Variants in CELF2 observed in about 807,000 individuals in gnomAD.
CELF2 encodes CUG triplet repeat RNA-binding protein 2.
Under a neutral mutation model 62.6 loss-of-function variants are expected in CELF2, and 8 were observed. That is an observed-to-expected ratio of 0.13 (90% confidence interval 0.07 to 0.23). The LOEUF (loss-of-function observed/expected upper bound fraction) is 0.23. Ranked by LOEUF, CELF2 falls within the 10% of genes least tolerant of loss-of-function variation. The probability of loss-of-function intolerance (pLI) is 1.00; values close to 1 mark genes in which losing one functional copy is unlikely to be tolerated. For missense variants in CELF2, 333 were observed against 671.0 expected (o/e 0.50, Z 5.56); for synonymous variants, 258 against 250.0 (o/e 1.03, Z -0.30).
chr10:10,634,806 C>A, the CELF2 span, among the ~76,000 whole-genome samples: 2 of 151,962 alleles, frequency 1.3e-5, no homozygotes, highest in Admixed American at 6.6e-5. Context: ...GGACTACAGG[C>A]ATGTGCCACC....
At chr10:10,736,384 CTTTCTTTCTTTCT>C in the CELF2 span, among the ~76,000 whole-genome samples, 32 of 80,550 alleles carry the variant, frequency 4.0e-4, no homozygotes, top group Middle Eastern at 0.012. Context: ...TTCTTTCTTT[CTTTCTTTCTTTCT>C]TTTTTTTTTT....
the CELF2 span, among the ~76,000 whole-genome samples, chr10:10,664,156 C>G: frequency 5.5e-4 from 83 of 152,224 alleles, 1 homozygote; most frequent in Admixed American, 1.4e-3. Context: ...ACATCACAAG[C>G]TGAAGCTAGA....
intron 2 of CELF2, among the ~76,000 whole-genome samples, chr10:11,196,674 A>G (rs2057580026): frequency 6.8e-6 from 1 of 147,780 alleles, no homozygotes; most frequent in Admixed American, 6.7e-5. Flanking sequence ...AAAACAAAAC[A>G]GAACCGGGCG....
At chr10:10,504,720 T>G in the CELF2 span, among the ~76,000 whole-genome samples, 2 of 151,200 alleles carry the variant, frequency 1.3e-5, no homozygotes, top group East Asian at 1.9e-4. Context: ...TGAGTCCATG[T>G]TTTTTTTTCT....
chr10:10,778,166 G>T, the CELF2 span, among the ~76,000 whole-genome samples: 1 of 152,186 alleles, frequency 6.6e-6, no homozygotes, highest in African/African-American at 2.4e-5. Flanking sequence ...GGTGTTGGAG[G>T]TCCCAGTTTC....
At chr10:10,615,633 T>C in the CELF2 span, among the ~76,000 whole-genome samples, 1 of 152,076 alleles carries the variant, frequency 6.6e-6, no homozygotes, top group Non-Finnish European at 1.5e-5. Context: ...ATTTCCCCTT[T>C]GCTGTTCTCA....
intron 2 of CELF2, among the ~76,000 whole-genome samples, chr10:10,961,522 G>A (rs972161532): frequency 4.6e-5 from 7 of 151,872 alleles, no homozygotes; most frequent in Admixed American, 3.9e-4. Flanking sequence ...TGAGGTGAGC[G>A]GATCACGTGA....
chr10:11,207,465 C>T lies in CELF2; in HGVS notation c.272-9960C>T, dbSNP rs1443645448. Reference sequence around the variant, plus strand: ...GAAGGTATGGGGTTGCCAGGGACCCCAGTGAGATCATTGTTCCCTCCCGGG... The same window carrying T: ...GAAGGTATGGGGTTGCCAGGGACCCTAGTGAGATCATTGTTCCCTCCCGGG... On this transcript the variant is annotated intron_variant, in intron 2 of 12. Transcript: ENST00000633077. This position sits in a 1 kb window ranked among gnomAD's most constrained non-coding sequence, Gnocchi z 4.1. 6.6e-6 allele frequency among the ~76,000 whole-genome samples: 1 copy of T among 152,168 alleles called. No homozygotes were observed. Among genetic ancestry groups the T allele is most frequent in the Non-Finnish European group, 1.5e-5 (1 of 68,026 alleles).
At chr10:10,911,847 A>G (rs568705756) in intron 1 of CELF2, among the ~76,000 whole-genome samples, 43 of 152,350 alleles carry the variant, frequency 2.8e-4, no homozygotes, top group African/African-American at 1.0e-3. Flanking sequence ...CTGTGAATGT[A>G]GCTGGCTCAT....
chr10:10,865,073 G>A (rs1343547878), intron 1 of CELF2, among the ~76,000 whole-genome samples: 1 of 152,074 alleles, frequency 6.6e-6, no homozygotes, highest in East Asian at 1.9e-4. Context: ...GCCCTTGGAA[G>A]GAAAAATGAG....
chr10:10,924,687 G>A (rs192694215), intron 2 of CELF2, among the ~76,000 whole-genome samples: 1 of 135,642 alleles, frequency 7.4e-6, no homozygotes, highest in Admixed American at 7.4e-5. Context: ...GAAAAATTTA[G>A]ACTTTTCTCT....
chr10:11,099,903 C>G (rs796444370), intron 1 of CELF2, among the ~76,000 whole-genome samples: 2 of 132,916 alleles, frequency 1.5e-5, no homozygotes, highest in Admixed American at 7.4e-5. Context: ...AAAAAAAAAA[C>G]AGAAAAAACA....
the CELF2 span, among the ~76,000 whole-genome samples, chr10:10,632,093 C>T: frequency 6.6e-6 from 1 of 152,220 alleles, no homozygotes; most frequent in Non-Finnish European, 1.5e-5. Flanking sequence ...ATCCTCATCC[C>T]AAGCCTCCTC....
chr10:10,799,248 G>A lies in CELF2; in HGVS notation c.53+431G>A, dbSNP rs553895012. Among the ~76,000 whole-genome samples, 5 of 152,210 alleles carry A rather than the reference G, an allele frequency of 3.3e-5. No homozygotes were observed. In the East Asian group the frequency reaches 7.7e-4, roughly 24 times the overall value. On this transcript the variant is annotated intron_variant, in intron 1 of 13. Transcript: ENST00000636488. ...TAATCCCGCACTTTGGGACGCCAAGGTGGATGGATCCCTTTGAGGTCAGGA... is the reference window on the plus strand; with the variant it reads ...TAATCCCGCACTTTGGGACGCCAAGATGGATGGATCCCTTTGAGGTCAGGA...
chr10:10,660,262 A>T, the CELF2 span, among the ~76,000 whole-genome samples: 20 of 152,376 alleles, frequency 1.3e-4, no homozygotes, highest in African/African-American at 4.6e-4. Flanking sequence ...GTATGATGTC[A>T]TAGCAACATT....
At chr10:10,826,525 A>G (rs576987899) in intron 1 of CELF2, among the ~76,000 whole-genome samples, 2 of 152,326 alleles carry the variant, frequency 1.3e-5, no homozygotes, top group East Asian at 1.9e-4. Flanking sequence ...ATCACTTGTC[A>G]TTTGTCTGAA....
chr10:11,007,440 A>C (rs958214151), intron 1 of CELF2, among the ~76,000 whole-genome samples: 2 of 152,200 alleles, frequency 1.3e-5, no homozygotes, highest in Non-Finnish European at 2.9e-5. Flanking sequence ...GATAAATAGA[A>C]TTGCCTTCTA....
chr10:10,954,211 TTTATTATTATTATTATTA>T lies in CELF2; in HGVS notation c.89+34245_89+34262del, dbSNP rs148582483. Among the ~76,000 whole-genome samples the T allele has an allele frequency of 6.3e-3, 860 of 137,288 alleles. 3 individuals are homozygous for T. The highest frequency in any genetic ancestry group is 0.016 in the African/African-American group (603 of 36,796). The allele number at this position is 137,288 out of a possible 152,430, so 90.1% of individuals were successfully genotyped here. On this transcript the variant is annotated intron_variant, in intron 2 of 13. Transcript: ENST00000636488. ...CTATAGAGGGCAATTTGGCAATTTA[TTTATTATTATTATTATTA>T]TTATTATTATTATTATTATTATTAT...
intron 1 of CELF2, among the ~76,000 whole-genome samples, chr10:11,058,546 A>G (rs1173226768): frequency 3.6e-5 from 5 of 139,358 alleles, no homozygotes. Context: ...GACTCGCTGC[A>G]ACCTCCACCT....
Sources: gnomAD v4.1 joint callset for allele counts (sites outside exome capture counted in the v4.1 genomes callset) on GRCh38, gnomAD v4.1.1 for gene constraint, Gnocchi (gnomAD v3.1) non-coding constraint, MANE v1.5 for transcripts, NCBI Gene and HGNC (gene_info 2026-07-23, HGNC 2026-07-21) for gene names.